Variants in STAU2 observed in about 807,000 individuals in gnomAD.
STAU2 encodes the protein double-stranded RNA-binding protein Staufen homolog 2.
STAU2 carries 20 observed loss-of-function variants against 65.9 expected under a neutral mutation model. The observed-to-expected ratio is 0.30, with a 90% CI of 0.21 to 0.44. STAU2 has a LOEUF of 0.44. STAU2 is among the 20% of genes least tolerant of loss of function. The probability of loss-of-function intolerance (pLI) is 1.00; values close to 1 mark genes in which losing one functional copy is unlikely to be tolerated. For missense variants in STAU2, 558 were observed against 683.9 expected, an observed-to-expected ratio of 0.82 and a Z score of 2.05; for synonymous variants, 232 against 233.9, an observed-to-expected ratio of 0.99 and a Z score of 0.07.
Position 73,495,758 on chromosome 8 carries a change from A to G in STAU2, c.1530+56254T>C, listed in dbSNP as rs1370843485. Among the ~76,000 whole-genome samples the G allele has an allele frequency of 2.7e-5, 4 of 150,592 alleles. No individual in the cohort carries two copies. The East Asian group carries it at 7.9e-4, about 30-fold the overall frequency. On this transcript the variant is annotated intron_variant, in intron 13 of 14. Transcript: ENST00000524300. The stretch of plus-strand genomic sequence containing the variant: ...CTATAAAACAATGATTAAAATATCT[A>G]AAAGATTATATAAATGAGTATTGTT...
At chr8:73,625,290 A>C (rs1813553289) in intron 6 of STAU2, among the ~76,000 whole-genome samples, 1 of 152,250 alleles carries the variant, frequency 6.6e-6, no homozygotes, top group South Asian at 2.1e-4. Flanking sequence ...ATTATTCCTA[A>C]TAGTCAGAAA....
intron 3 of STAU2, among the ~76,000 whole-genome samples, chr8:73,716,884 G>T (rs964910542): frequency 6.6e-6 from 1 of 151,958 alleles, no homozygotes; most frequent in African/African-American, 2.4e-5. Flanking sequence ...CAGGTGGATC[G>T]TTTTAGGTCA....
chr8:73,503,267 T>C (rs1821865162), intron 13 of STAU2, among the ~76,000 whole-genome samples: 1 of 152,114 alleles, frequency 6.6e-6, no homozygotes, highest in Admixed American at 6.6e-5. Flanking sequence ...TGCTTTATAA[T>C]GAAGTTATGC....
chr8:73,666,434 G>A (rs553680724), intron 6 of STAU2, among the ~76,000 whole-genome samples: 44 of 152,278 alleles, frequency 2.9e-4, no homozygotes, highest in Admixed American at 4.6e-4. Context: ...TCTGTAAAAT[G>A]ATTTCCGTGT....
chr8:73,661,418 G>T (rs1816825245), intron 6 of STAU2, among the ~76,000 whole-genome samples: 1 of 151,994 alleles, frequency 6.6e-6, no homozygotes. Flanking sequence ...AAAGAAAATG[G>T]AGGATTACAA....
At chr8:73,530,360 C>G (rs1805731170) in intron 13 of STAU2, among the ~76,000 whole-genome samples, 1 of 152,158 alleles carries the variant, frequency 6.6e-6, no homozygotes, top group African/African-American at 2.4e-5. Flanking sequence ...GCTAGGCTTT[C>G]CCCTGAACCC....
chr8:73,647,136 C>T (rs534031054), intron 6 of STAU2, among the ~76,000 whole-genome samples: 2 of 152,280 alleles, frequency 1.3e-5, no homozygotes, highest in Admixed American at 1.3e-4. Flanking sequence ...GATTGTGATG[C>T]CAGACAGTTC....
intron 12 of STAU2, among the ~76,000 whole-genome samples, chr8:73,567,522 AT>A (rs140460978): frequency 2.7e-5 from 4 of 149,656 alleles, no homozygotes; most frequent in African/African-American, 7.4e-5. Flanking sequence ...AAAAAAATTG[AT>A]TTTTTTTTCA....
intron 13 of STAU2, among the ~76,000 whole-genome samples, chr8:73,510,735 A>C (rs996348036): frequency 6.6e-6 from 1 of 152,186 alleles, no homozygotes; most frequent in Non-Finnish European, 1.5e-5. Context: ...AATCCATTAG[A>C]TCTCCTGAGA....
chr8:73,705,887 G>A (rs1433269487), intron 4 of STAU2, among the ~76,000 whole-genome samples: 1 of 152,134 alleles, frequency 6.6e-6, no homozygotes, highest in Non-Finnish European at 1.5e-5. Context: ...CCTCTGTCCT[G>A]TGTTTCCAAA....
At chr8:73,747,315 A>C (rs901034567), upstream of STAU2, 1 of 1,509,546 alleles carries the variant, frequency 6.6e-7, no homozygotes, top group African/African-American at 1.4e-5. Flanking sequence ...CAACTCGGCA[A>C]CTTCCTTCCC....
At chr8:73,603,459 A>G (rs759207644) in intron 10 of STAU2, among the ~76,000 whole-genome samples, 3 of 152,238 alleles carry the variant, frequency 2.0e-5, no homozygotes, top group Non-Finnish European at 4.4e-5. Flanking sequence ...ACAAAAAGTT[A>G]AAAGATAGGC....
At chr8:73,436,380 C>A (rs1817682435) in intron 13 of STAU2, among the ~76,000 whole-genome samples, 1 of 151,632 alleles carries the variant, frequency 6.6e-6, no homozygotes, top group South Asian at 2.1e-4. Context: ...CTAGAACAGA[C>A]CTTTGCTCCG....
chr8:73,619,021 A>ATATC (rs1191374509), intron 6 of STAU2, among the ~76,000 whole-genome samples: 1 of 152,314 alleles, frequency 6.6e-6, no homozygotes, highest in East Asian at 1.9e-4. Flanking sequence ...CCTATTAGAT[A>ATATC]TCCAAGTGTA....
chr8:73,512,045 T>C (rs1219943142), intron 13 of STAU2, among the ~76,000 whole-genome samples: 1 of 152,222 alleles, frequency 6.6e-6, no homozygotes, highest in Non-Finnish European at 1.5e-5. Context: ...GGCATTTTTA[T>C]TGAAAATTGA....
At chr8:73,428,725 T>G (rs1817029363) in intron 13 of STAU2, among the ~76,000 whole-genome samples, 1 of 152,204 alleles carries the variant, frequency 6.6e-6, no homozygotes, top group East Asian at 1.9e-4. Flanking sequence ...TACTTGGTTC[T>G]TAGTGTGGCC....
intron 13 of STAU2, among the ~76,000 whole-genome samples, chr8:73,436,289 G>C (rs1342234754): frequency 2.0e-5 from 3 of 151,796 alleles, no homozygotes; most frequent in Admixed American, 6.5e-5. Context: ...TCTCTCAGTG[G>C]GTGAGGGATG....
intron 12 of STAU2, among the ~76,000 whole-genome samples, chr8:73,567,088 T>G (rs1411651226): frequency 6.6e-6 from 1 of 152,202 alleles, no homozygotes; most frequent in Non-Finnish European, 1.5e-5. Flanking sequence ...CTAATTGTTA[T>G]ATGTTATAAA....
chr8:73,658,077 TG>T (rs1816517951), intron 6 of STAU2, among the ~76,000 whole-genome samples: 1 of 151,474 alleles, frequency 6.6e-6, no homozygotes, highest in African/African-American at 2.4e-5. Flanking sequence ...AGAACTATCT[TG>T]GGGGACTGGG....
Sources: gnomAD v4.1 joint callset for allele counts (sites outside exome capture counted in the v4.1 genomes callset) on GRCh38, gnomAD v4.1.1 for gene constraint, MANE v1.5 for transcripts, NCBI Gene and HGNC (gene_info 2026-07-23, HGNC 2026-07-21) for gene names.